The following KIAA1958 variants were observed in gnomAD, a reference collection of about 807,000 sequenced individuals.
The protein encoded by KIAA1958 is KIAA1958.
In KIAA1958, 14 loss-of-function variants were observed where a neutral mutation model predicts 47.2. That is an observed-to-expected ratio of 0.30 (90% CI 0.20 to 0.46). The LOEUF (loss-of-function observed/expected upper bound fraction) is 0.46. Ranked by LOEUF, KIAA1958 falls within the 20% of genes least tolerant of loss-of-function variation. The pLI is 1.00. For synonymous variants in KIAA1958, 354 were observed against 353.3 expected (o/e 1.00, Z -0.02); for missense variants, 803 against 909.2 (o/e 0.88, Z 1.50).
At chr9:112,594,855 A>C (rs1835992074) in intron 2 of KIAA1958, among the ~76,000 whole-genome samples, 1 of 152,226 alleles carries the variant, frequency 6.6e-6, no homozygotes, top group South Asian at 2.1e-4. Flanking sequence ...CCAGTAATGT[A>C]TGTGGGTCCA....
At position 112,574,656 on chromosome 9, in the gene KIAA1958, C is replaced by T. The variant is rs757571586; in HGVS notation, c.576C>T (p.Asp192=). Residue 192 remains aspartate (D), a synonymous_variant, in exon 2 of 4, where the codon GAC becomes GAT. Transcript: ENST00000337530. ...LHSSSQTQMV[D]ECSNDVIIKK... is the part of the protein sequence containing the mutation. ...CAAGCTCCCAGACGCAGATGGTTGA[C>T]GAATGCAGCAATGATGTCATCATCA... 17 of 1,613,940 alleles carry T rather than the reference C, an allele frequency of 1.1e-5. No homozygotes were observed. The highest frequency in any genetic ancestry group is 3.3e-5 in the South Asian group (3 of 91,074).
intron 1 of KIAA1958, among the ~76,000 whole-genome samples, chr9:112,538,368 G>GA (rs1331754023): frequency 1.1e-4 from 16 of 151,002 alleles, no homozygotes; most frequent in African/African-American, 2.7e-4. Flanking sequence ...AAGAAAGAAA[G>GA]AAAAAAAAGA....
At chr9:112,657,515 A>G (rs958518696) in intron 3 of KIAA1958, among the ~76,000 whole-genome samples, 5 of 152,180 alleles carry the variant, frequency 3.3e-5, no homozygotes, top group African/African-American at 1.2e-4. Context: ...TTTATTATGT[A>G]TATTTAGCAA....
At chr9:112,559,898 A>G (rs1443308471) in intron 1 of KIAA1958, among the ~76,000 whole-genome samples, 2 of 152,212 alleles carry the variant, frequency 1.3e-5, no homozygotes, top group African/African-American at 4.8e-5. Flanking sequence ...TAGTCATCAC[A>G]TGGGGAACAA....
intron 2 of KIAA1958, among the ~76,000 whole-genome samples, chr9:112,584,588 T>A (rs1835791417): frequency 1.3e-5 from 2 of 152,230 alleles, no homozygotes; most frequent in Admixed American, 1.3e-4. Flanking sequence ...ATGGGTTTTC[T>A]CCTTATGATT....
intron 1 of KIAA1958, among the ~76,000 whole-genome samples, chr9:112,565,079 C>T (rs1240862960): frequency 6.6e-6 from 1 of 152,070 alleles, no homozygotes; most frequent in Non-Finnish European, 1.5e-5. Flanking sequence ...TCTACTGAAA[C>T]CTAATGATTA....
At chr9:112,523,931 C>G (rs1351393022) in intron 1 of KIAA1958, among the ~76,000 whole-genome samples, 1 of 152,202 alleles carries the variant, frequency 6.6e-6, no homozygotes, top group Non-Finnish European at 1.5e-5. Context: ...ATACAAAAGG[C>G]TTTAGTGGCT....
chr9:112,603,193 A>G (rs1657908352), intron 2 of KIAA1958, among the ~76,000 whole-genome samples: 1 of 152,214 alleles, frequency 6.6e-6, no homozygotes. Context: ...TGTTAGAGGT[A>G]GAGAAATGGG....
Position 112,628,552 on chromosome 9 carries a change from A to G in KIAA1958, c.1172-17098A>G, listed in dbSNP as rs111953553. Among the ~76,000 whole-genome samples, 11 of 152,270 alleles carry G rather than the reference A, an allele frequency of 7.2e-5. No individual in the cohort carries two copies. The East Asian group carries it at 1.7e-3, about 24-fold the overall frequency. ...CACACAAAATTATTTCTTGATTCCT[A>G]CATCAGAGGTTTTCAGGCAGAGCCT... On this transcript the variant is annotated intron_variant, in intron 2 of 3. Coordinates refer to ENST00000337530, the MANE Select transcript of KIAA1958 (RefSeq NM_133465.4).
chr9:112,623,826 C>A (rs1836552304), intron 2 of KIAA1958, among the ~76,000 whole-genome samples: 1 of 152,140 alleles, frequency 6.6e-6, no homozygotes, highest in Non-Finnish European at 1.5e-5. Flanking sequence ...TGCCTATAAG[C>A]CAGTATCGAT....
chr9:112,577,042 A>G (rs1200084224), intron 2 of KIAA1958, among the ~76,000 whole-genome samples: 5 of 152,108 alleles, frequency 3.3e-5, no homozygotes, highest in Admixed American at 6.5e-5. Flanking sequence ...TAAATATCCT[A>G]TTGGGTGTGT....
rs1276997714 is a variant in KIAA1958 at position 112,627,958 on chromosome 9, CCAAA to C, written c.1172-17686_1172-17683del. 1.3e-4 allele frequency among the ~76,000 whole-genome samples: 20 copies of C among 152,198 alleles called. No homozygotes were observed. The East Asian group carries it at 3.9e-3, about 29-fold the overall frequency. On this transcript the variant is annotated intron_variant, in intron 2 of 3. Coordinates refer to ENST00000337530, the MANE Select transcript of KIAA1958 (RefSeq NM_133465.4). ...GTGTTTCCATCTTGCCTCAGCAATT[CCAAA>C]CAAACTGAAAGTAAAGAGAAAATCG...
chr9:112,607,151 G>A (rs907728095), intron 2 of KIAA1958, among the ~76,000 whole-genome samples: 9 of 152,050 alleles, frequency 5.9e-5, no homozygotes, highest in South Asian at 2.1e-4. Flanking sequence ...GAGGTCAGGG[G>A]TTCCAGACCA....
chr9:112,500,594 A>G (rs1477297880), intron 1 of KIAA1958, among the ~76,000 whole-genome samples: 1 of 151,956 alleles, frequency 6.6e-6, no homozygotes, highest in African/African-American at 2.4e-5. Flanking sequence ...TCAGCCTAGT[A>G]TCATTTTTAT....
chr9:112,626,462 T>A (rs542866579), intron 2 of KIAA1958, among the ~76,000 whole-genome samples: 1 of 152,308 alleles, frequency 6.6e-6, no homozygotes, highest in African/African-American at 2.4e-5. Flanking sequence ...TTTTACCATT[T>A]ATACATTCAT....
intron 2 of KIAA1958, among the ~76,000 whole-genome samples, chr9:112,589,523 T>C (rs1229364034): frequency 1.3e-5 from 2 of 151,780 alleles, no homozygotes; most frequent in Non-Finnish European, 2.9e-5. Context: ...ACCCGGGAGG[T>C]GGAGGTTGCG....
intron 1 of KIAA1958, among the ~76,000 whole-genome samples, chr9:112,550,690 G>A (rs560925456): frequency 2.2e-4 from 33 of 152,290 alleles, no homozygotes; most frequent in South Asian, 1.0e-3. Context: ...GTCTCCCAAC[G>A]ACAATGCATG....
chr9:112,515,894 T>TAAAAAAAAAAAAA (rs58492221), intron 1 of KIAA1958, among the ~76,000 whole-genome samples: 12 of 97,114 alleles, frequency 1.2e-4, no homozygotes, highest in East Asian at 5.9e-4. Context: ...AAAAATAAAT[T>TAAAAAAAAAAAAA]AAAAAAAAAA....
intron 1 of KIAA1958, among the ~76,000 whole-genome samples, chr9:112,535,300 CTT>C (rs1335682931): frequency 1.3e-5 from 2 of 152,110 alleles, no homozygotes; most frequent in African/African-American, 4.8e-5. Context: ...GTGAGTTCAA[CTT>C]TTTTAGATTC....
Sources: allele counts gnomAD v4.1 joint callset (sites outside exome capture counted in the v4.1 genomes callset), GRCh38; gene constraint gnomAD v4.1.1; transcripts MANE v1.5; gene names NCBI Gene and HGNC (gene_info 2026-07-23, HGNC 2026-07-21).